The following ARNT variants were observed in gnomAD, a reference collection of about 807,000 sequenced individuals.
ARNT encodes class E basic helix-loop-helix protein 2.
In ARNT, 30 loss-of-function variants were observed where a neutral mutation model predicts 105.0. The ratio of observed to expected loss-of-function variants is 0.29; its 90% CI spans 0.21 to 0.39. ARNT has a LOEUF of 0.39. Ranked by LOEUF, ARNT falls within the 10% of genes least tolerant of loss-of-function variation. The pLI is 1.00. For missense variants in ARNT, 748 were observed against 978.7 expected (o/e 0.76, Z 3.15); for synonymous variants, 304 against 344.0 (o/e 0.88, Z 1.29).
intron 2 of ARNT, among the ~76,000 whole-genome samples, chr1:150,858,023 AT>A (rs930533179): frequency 3.3e-5 from 5 of 152,206 alleles, no homozygotes; most frequent in African/African-American, 1.2e-4. Flanking sequence ...TACCAAAATG[AT>A]TTTGGGAAAA....
chr1:150,858,616 AT>A lies in ARNT; in HGVS notation c.26-157del, dbSNP rs113986128. Reference sequence around the variant, plus strand: ...GCTCATATCCAGATTGCTCTTCTTGATTTTTTTTTTTTTTTTTGAGACCAGG... The same window carrying A: ...GCTCATATCCAGATTGCTCTTCTTGATTTTTTTTTTTTTTTTGAGACCAGG... On this transcript the variant is annotated intron_variant, in intron 1 of 21. Transcript: ENST00000358595. Among the ~76,000 whole-genome samples the A allele has an allele frequency of 9.9e-3, 1,363 of 137,856 alleles. 6 individuals are homozygous for A. Among genetic ancestry groups the A allele is most frequent in the Non-Finnish European group, 0.012 (787 of 64,510 alleles). The allele number at this position is 137,856 out of a possible 152,430, so 90.4% of individuals were successfully genotyped here. A position where few individuals can be genotyped will look rare whatever the true frequency, so the allele number is the denominator to read the frequency against.
intron 3 of ARNT, among the ~76,000 whole-genome samples, chr1:150,846,834 ACT>A (rs1301896992): frequency 1.3e-5 from 2 of 152,164 alleles, no homozygotes; most frequent in Non-Finnish European, 2.9e-5. Context: ...GAATTTGACT[ACT>A]TGTAGATACC....
At position 150,811,199 on chromosome 1, in the gene ARNT, G is replaced by T. The variant is rs1387628206; in HGVS notation, c.*822C>A. 4.3e-6 allele frequency: 1 copy of T among 233,550 alleles called. No homozygotes were observed. The highest frequency in any genetic ancestry group is 6.0e-5 in the East Asian group (1 of 16,724). 14.5% of individuals were successfully genotyped at this position (233,550 alleles called of 1,614,324 possible). ...GTAACCCAGCTTTATCACTGAATGT[G>T]TTCGATAACAGACAATCGTATCAAC... On this transcript the variant is annotated 3_prime_UTR_variant, in exon 22 of 22. Transcript: ENST00000358595.
chr1:150,816,386 G>A lies in ARNT; in HGVS notation c.1823C>T (p.Pro608Leu). ...ENFRNSGLAPPVTIVQPSASA... is the reference protein window; with the variant it reads ...ENFRNSGLAPLVTIVQPSASA... Reference sequence around the variant, plus strand: ...AGCTGATGGCTGGACAATGGTTACAGGAGGGGCTAGGCCACTATTCCTAGG... The same window carrying A: ...AGCTGATGGCTGGACAATGGTTACAAGAGGGGCTAGGCCACTATTCCTAGG... The change falls in exon 19 of 22, where the codon CCT (proline) becomes CTT (leucine). Residue 608 changes from proline to leucine, a missense_variant. By Grantham distance (98) the Pro-to-Leu change is moderately conservative. Coordinates refer to ENST00000358595, the MANE Select transcript of ARNT (RefSeq NM_001668.4). The A allele has an allele frequency of 6.2e-7, 1 of 1,606,594 alleles. No homozygotes were observed.
chr1:150,830,842 T>G (rs1289810850), intron 10 of ARNT, among the ~76,000 whole-genome samples: 1 of 152,232 alleles, frequency 6.6e-6, no homozygotes, highest in African/African-American at 2.4e-5. Flanking sequence ...TGATGCTACA[T>G]AGAGGTATGA....
chr1:150,823,375 C>T, intron 13 of ARNT, 30 bp from the exon 14 acceptor site: 1 of 1,545,058 alleles, frequency 6.5e-7, no homozygotes, highest in Non-Finnish European at 8.7e-7. Flanking sequence ...ATCAGTGGAA[C>T]TCATAGAAAA....
intron 8 of ARNT, among the ~76,000 whole-genome samples, chr1:150,832,680 G>A (rs925269692): frequency 2.6e-5 from 4 of 152,084 alleles, no homozygotes; most frequent in Non-Finnish European, 4.4e-5. Flanking sequence ...TCAGCTTTGC[G>A]GGCCAGAAAG....
At chr1:150,838,936 G>A (rs1660792437) in intron 6 of ARNT, among the ~76,000 whole-genome samples, 1 of 152,104 alleles carries the variant, frequency 6.6e-6, no homozygotes, top group South Asian at 2.1e-4. Flanking sequence ...TTCAGATGAA[G>A]TTCCTGAAAG....
chr1:150,875,234 C>A (rs191193642), intron 1 of ARNT, among the ~76,000 whole-genome samples: 1 of 151,488 alleles, frequency 6.6e-6, no homozygotes, highest in Admixed American at 6.6e-5. Flanking sequence ...GTAATTTTTG[C>A]GATTAATTTT....
chr1:150,813,043 C>T (rs892860557), intron 21 of ARNT, 129 bp downstream of exon 21: 16 of 1,021,396 alleles, frequency 1.6e-5, no homozygotes, highest in Middle Eastern at 6.4e-4. Context: ...ACATTTATCC[C>T]TCTCTGTCTT....
intron 8 of ARNT, among the ~76,000 whole-genome samples, chr1:150,834,245 T>A (rs1482936778): frequency 6.6e-6 from 1 of 152,182 alleles, no homozygotes; most frequent in Non-Finnish European, 1.5e-5. Context: ...CTGGCCAAGT[T>A]CATTTCTTTA....
chr1:150,850,228 A>T (rs1219295045), intron 3 of ARNT, among the ~76,000 whole-genome samples: 4 of 152,064 alleles, frequency 2.6e-5, no homozygotes, highest in African/African-American at 9.7e-5. Flanking sequence ...TCTACTAAAA[A>T]TACAAAAATT....
In ARNT at chr1:150,816,937, T is replaced by C. The variant is rs1226286267; in HGVS notation, c.1700-47A>G. 3 of 1,602,880 alleles carry C rather than the reference T, an allele frequency of 1.9e-6. No individual in the cohort carries two copies. In the African/African-American group the frequency reaches 4.1e-5, roughly 22 times the overall value. On this transcript the variant is annotated intron_variant, in intron 17 of 21. Transcript: ENST00000358595. Reference sequence around the variant, plus strand: ...GGAAGGGCCAGTCAAGGGGCTGTAGTATATTAGTTCAGCAAGTTCCTATTT... The same window carrying C: ...GGAAGGGCCAGTCAAGGGGCTGTAGCATATTAGTTCAGCAAGTTCCTATTT...
chr1:150,860,131 A>G (rs1001795406), intron 1 of ARNT, among the ~76,000 whole-genome samples: 2 of 151,624 alleles, frequency 1.3e-5, no homozygotes, highest in African/African-American at 4.9e-5. Flanking sequence ...TTGTTAGTTC[A>G]TACTGTATAG....
chr1:150,818,664 G>A (rs753023322), intron 14 of ARNT, among the ~76,000 whole-genome samples: 1 of 152,072 alleles, frequency 6.6e-6, no homozygotes, highest in Non-Finnish European at 1.5e-5. Flanking sequence ...TGGGAGGATT[G>A]CTTGAGCCTG....
chr1:150,833,927 TTTTC>T (rs952023167), intron 8 of ARNT, among the ~76,000 whole-genome samples: 21 of 151,896 alleles, frequency 1.4e-4, no homozygotes, highest in African/African-American at 5.1e-4. Flanking sequence ...ATTCATTTCT[TTTTC>T]TTTTTCTTTT....
chr1:150,846,712 T>C (rs1251559300), intron 3 of ARNT, among the ~76,000 whole-genome samples: 1 of 152,154 alleles, frequency 6.6e-6, no homozygotes, highest in Non-Finnish European at 1.5e-5. Context: ...GCAACAGATA[T>C]CTAGAACTTT....
intron 1 of ARNT, among the ~76,000 whole-genome samples, chr1:150,866,118 T>C (rs897286372): frequency 2.6e-5 from 4 of 151,814 alleles, no homozygotes; most frequent in African/African-American, 9.7e-5. Flanking sequence ...AAGTAGCTGG[T>C]ACTACAGGCA....
intron 3 of ARNT, among the ~76,000 whole-genome samples, chr1:150,851,036 C>A (rs1038503659): frequency 2.0e-5 from 3 of 148,566 alleles, no homozygotes; most frequent in Non-Finnish European, 3.0e-5. Context: ...AAGTGAGGAG[C>A]CCCTCCGCCC....
Sources: allele counts gnomAD v4.1 joint callset (sites outside exome capture counted in the v4.1 genomes callset), GRCh38; gene constraint gnomAD v4.1.1; transcripts MANE v1.5; gene names NCBI Gene and HGNC (gene_info 2026-07-23, HGNC 2026-07-21).